ERBB4: variants seen among roughly 807,000 people sequenced by gnomAD.
The protein encoded by ERBB4 is erb-b2 receptor tyrosine kinase 4, also known as receptor tyrosine-protein kinase erbB-4.
Under a neutral mutation model 158.0 loss-of-function variants are expected in ERBB4, and 42 were observed. The ratio of observed to expected loss-of-function variants is 0.27; its 90% CI spans 0.21 to 0.34. The LOEUF (loss-of-function observed/expected upper bound fraction) is 0.34, where lower values mean the gene tolerates loss of function less well. ERBB4 is among the 10% of genes least tolerant of loss of function. The pLI is 1.00. For synonymous variants in ERBB4, 583 were observed against 558.7 expected, an observed-to-expected ratio of 1.04 and a Z score of -0.61; for missense variants, 1,333 against 1,624.1, an observed-to-expected ratio of 0.82 and a Z score of 3.08.
At chr2:211,610,032 A>C (rs963337999) in intron 19 of ERBB4, among the ~76,000 whole-genome samples, 3 of 152,122 alleles carry the variant, frequency 2.0e-5, no homozygotes, top group Non-Finnish European at 4.4e-5. Context: ...ACGCTTTTGT[A>C]ATACCATTTT....
chr2:212,473,404 G>T (rs900358016), intron 1 of ERBB4, among the ~76,000 whole-genome samples: 3 of 151,868 alleles, frequency 2.0e-5, no homozygotes, highest in African/African-American at 7.3e-5. Flanking sequence ...ATCCCTAACT[G>T]CATTTTGACA....
intron 1 of ERBB4, among the ~76,000 whole-genome samples, chr2:212,495,298 G>A (rs1275126258): frequency 6.6e-6 from 1 of 152,068 alleles, no homozygotes; most frequent in Admixed American, 6.6e-5. Flanking sequence ...CTTTTCCTCT[G>A]TGCCCTGTGA....
chr2:211,563,232 G>C (rs913885635), intron 19 of ERBB4, among the ~76,000 whole-genome samples: 2 of 152,070 alleles, frequency 1.3e-5, no homozygotes, highest in African/African-American at 2.4e-5. Context: ...TAAAATAAAT[G>C]TTTATGTACT....
At chr2:211,909,930 T>C (rs1401293717) in intron 3 of ERBB4, among the ~76,000 whole-genome samples, 3 of 151,900 alleles carry the variant, frequency 2.0e-5, no homozygotes, top group African/African-American at 7.2e-5. Flanking sequence ...TTGTTGTTGT[T>C]GTTGTTTGAG....
chr2:212,206,992 A>C (rs968325125), intron 1 of ERBB4, among the ~76,000 whole-genome samples: 2 of 143,230 alleles, frequency 1.4e-5, no homozygotes, highest in African/African-American at 5.1e-5. Context: ...GTTTCTGAGA[A>C]GTTTCAAAAA....
At position 211,377,520 on chromosome 2, in the gene ERBB4, T is replaced by C. The variant is rs992734487; in HGVS notation, c.*6095A>G. ...TCTATTAAACAACATGGATTTTCATTAACATGAACTGTCCTCATTATGTAT... is the reference window on the plus strand; with the variant it reads ...TCTATTAAACAACATGGATTTTCATCAACATGAACTGTCCTCATTATGTAT... On this transcript the variant is annotated 3_prime_UTR_variant, in exon 28 of 28. Transcript: ENST00000342788. 8.6e-6 allele frequency: 2 copies of C among 232,692 alleles called. No individual in the cohort carries two copies. The highest frequency in any genetic ancestry group is 4.4e-5 in the African/African-American group (2 of 45,308). The allele number at this position is 232,692 out of a possible 1,614,324, so 14.4% of individuals were successfully genotyped here. A position where few individuals can be genotyped will look rare whatever the true frequency, so the allele number is the denominator to read the frequency against.
At chr2:211,690,300 C>A (rs1416062250) in intron 12 of ERBB4, among the ~76,000 whole-genome samples, 1 of 152,052 alleles carries the variant, frequency 6.6e-6, no homozygotes, top group Non-Finnish European at 1.5e-5. Flanking sequence ...TATCTTCTCC[C>A]TCTTGTCCCT....
intron 2 of ERBB4, among the ~76,000 whole-genome samples, chr2:212,057,799 A>G (rs1166033701): frequency 2.0e-5 from 3 of 152,214 alleles, no homozygotes; most frequent in Admixed American, 2.0e-4. Flanking sequence ...AGGGAAATTT[A>G]TAGCACTAAA....
intron 1 of ERBB4, among the ~76,000 whole-genome samples, chr2:212,155,890 A>G (rs1559613880): frequency 6.6e-6 from 1 of 152,182 alleles, no homozygotes; most frequent in African/African-American, 2.4e-5. Context: ...ATTAATTATA[A>G]AAAGAACACA....
chr2:212,128,175 C>T (rs576519960), intron 1 of ERBB4, among the ~76,000 whole-genome samples: 40 of 152,250 alleles, frequency 2.6e-4, no homozygotes, highest in East Asian at 9.6e-4. Flanking sequence ...TAGAGTGATA[C>T]GGATGGATGC....
At chr2:211,697,418 C>A (rs1462838025) in intron 12 of ERBB4, among the ~76,000 whole-genome samples, 1 of 151,862 alleles carries the variant, frequency 6.6e-6, no homozygotes, top group East Asian at 1.9e-4. Flanking sequence ...AGGAAAAGAA[C>A]AATCTAGTCA....
chr2:212,001,633 C>A (rs190458672), intron 2 of ERBB4, among the ~76,000 whole-genome samples: 1 of 152,184 alleles, frequency 6.6e-6, no homozygotes, highest in Non-Finnish European at 1.5e-5. Flanking sequence ...TGAATGAGAA[C>A]CACACTTTTT....
chr2:212,395,974 T>C lies in ERBB4; in HGVS notation c.82+142475A>G, dbSNP rs566939525. On this transcript the variant is annotated intron_variant, in intron 1 of 27. Coordinates refer to ENST00000342788, the MANE Select transcript of ERBB4 (RefSeq NM_005235.3). ...CCCAGTGGATAACTACTGAATCTTTTAGAGATACTACGAGAGTCTTATATA... is the reference window on the plus strand; with the variant it reads ...CCCAGTGGATAACTACTGAATCTTTCAGAGATACTACGAGAGTCTTATATA... Among the ~76,000 whole-genome samples the C allele has an allele frequency of 3.3e-5, 5 of 152,240 alleles. No individual in the cohort carries two copies. The South Asian group carries it at 1.0e-3, about 32-fold the overall frequency.
intron 2 of ERBB4, among the ~76,000 whole-genome samples, chr2:211,982,147 T>C (rs1437580859): frequency 6.6e-6 from 1 of 152,004 alleles, no homozygotes; most frequent in Non-Finnish European, 1.5e-5. Context: ...TATAAATATA[T>C]ATTGAGCTTC....
At chr2:211,794,377 C>A (rs1235559086) in intron 3 of ERBB4, among the ~76,000 whole-genome samples, 1 of 151,830 alleles carries the variant, frequency 6.6e-6, no homozygotes, top group Non-Finnish European at 1.5e-5. Context: ...CTTATATATT[C>A]TTTTGTGTAT....
chr2:211,714,043 T>C (rs1485016811), intron 7 of ERBB4, among the ~76,000 whole-genome samples: 5 of 152,260 alleles, frequency 3.3e-5, no homozygotes, highest in Non-Finnish European at 7.3e-5. Context: ...TAAGTTGAAC[T>C]GCCTTGGATC....
chr2:212,181,689 T>C (rs2081871419), intron 1 of ERBB4, among the ~76,000 whole-genome samples: 1 of 151,746 alleles, frequency 6.6e-6, no homozygotes, highest in Admixed American at 6.6e-5. Flanking sequence ...AAATCAAAAC[T>C]AATATGTGCT....
At chr2:211,599,738 A>G (rs1257858206) in intron 19 of ERBB4, among the ~76,000 whole-genome samples, 1 of 152,154 alleles carries the variant, frequency 6.6e-6, no homozygotes, top group Admixed American at 6.5e-5. Flanking sequence ...GCCAAATTAG[A>G]TTGCACATAT....
At chr2:212,105,215 A>C (rs1459864021) in intron 2 of ERBB4, among the ~76,000 whole-genome samples, 4 of 152,180 alleles carry the variant, frequency 2.6e-5, no homozygotes, top group African/African-American at 9.6e-5. Flanking sequence ...TATCATTATA[A>C]ATTTGTCAGA....
Sources: allele counts gnomAD v4.1 joint callset (sites outside exome capture counted in the v4.1 genomes callset), GRCh38; gene constraint gnomAD v4.1.1; transcripts MANE v1.5; gene names NCBI Gene and HGNC (gene_info 2026-07-23, HGNC 2026-07-21).